Variants in SLC38A1 observed in about 807,000 individuals in gnomAD.
The protein encoded by SLC38A1 is solute carrier family 38 member 1.
SLC38A1 carries 18 observed loss-of-function variants against 60.3 expected under a neutral mutation model. That is an observed-to-expected ratio of 0.30 (90% CI 0.21 to 0.44). The LOEUF (loss-of-function observed/expected upper bound fraction) is 0.44, where lower values mean the gene tolerates loss of function less well. Among genes scored for constraint, SLC38A1 ranks in the 20% least tolerant of loss-of-function variants. SLC38A1 has a pLI of 1.00. For synonymous variants in SLC38A1, 196 were observed against 212.1 expected, an observed-to-expected ratio of 0.92 and a Z score of 0.66; for missense variants, 448 against 587.2, an observed-to-expected ratio of 0.76 and a Z score of 2.45.
chr12:46,241,695 A>T (rs977674295), intron 2 of SLC38A1, among the ~76,000 whole-genome samples: 2 of 152,152 alleles, frequency 1.3e-5, no homozygotes, highest in African/African-American at 4.8e-5. Context: ...CTTATGTTGC[A>T]AAAGCTGAAA....
chr12:46,266,638 C>T (rs1592166685), intron 1 of SLC38A1, among the ~76,000 whole-genome samples: 2 of 152,058 alleles, frequency 1.3e-5, no homozygotes, highest in South Asian at 2.1e-4. Flanking sequence ...ACTAAGAATA[C>T]CTGAAATGTA....
chr12:46,215,989 A>G (rs1300409347), intron 5 of SLC38A1, among the ~76,000 whole-genome samples: 1 of 152,174 alleles, frequency 6.6e-6, no homozygotes, highest in Non-Finnish European at 1.5e-5. Context: ...AAAATTTAAA[A>G]TCCAGGACAA....
intron 1 of SLC38A1, among the ~76,000 whole-genome samples, chr12:46,245,015 C>A (rs1941568060): frequency 6.6e-6 from 1 of 152,122 alleles, no homozygotes; most frequent in Non-Finnish European, 1.5e-5. Context: ...CCCACCATCA[C>A]CTGGAATTAT....
chr12:46,191,538 CATG>C (rs1177435365), intron 16 of SLC38A1, among the ~76,000 whole-genome samples: 1 of 152,176 alleles, frequency 6.6e-6, no homozygotes, highest in East Asian at 1.9e-4. Context: ...TGGCCATTTT[CATG>C]ATATTAATTC....
At chr12:46,198,601 T>C (rs757435664) in intron 14 of SLC38A1, 24 bp downstream of exon 14, 2 of 1,496,532 alleles carry the variant, frequency 1.3e-6, no homozygotes, top group Non-Finnish European at 1.8e-6. Context: ...GCTTTTCTCA[T>C]ATTGCACAGA....
chr12:46,207,085 A>C (rs1939940547), intron 8 of SLC38A1, 70 bp downstream of exon 8: 1 of 1,056,584 alleles, frequency 9.5e-7, no homozygotes, highest in African/African-American at 1.7e-5. Flanking sequence ...CACAAGCAAG[A>C]ATTTTGATTG....
chr12:46,226,111 G>A (rs1044363058), intron 5 of SLC38A1, among the ~76,000 whole-genome samples: 1 of 152,034 alleles, frequency 6.6e-6, no homozygotes, highest in African/African-American at 2.4e-5. Flanking sequence ...ATGACATATT[G>A]AGTTAAAAGA....
intron 16 of SLC38A1, among the ~76,000 whole-genome samples, chr12:46,195,071 T>C (rs1040173747): frequency 1.3e-5 from 2 of 152,204 alleles, no homozygotes; most frequent in Non-Finnish European, 2.9e-5. Flanking sequence ...ATCTTTGTGG[T>C]TTTATCTACC....
chr12:46,264,882 A>G (rs1251210274), intron 1 of SLC38A1, among the ~76,000 whole-genome samples: 1 of 152,218 alleles, frequency 6.6e-6, no homozygotes, highest in Non-Finnish European at 1.5e-5. Flanking sequence ...TTCTGTGCAC[A>G]TACTTCTCCT....
intron 1 of SLC38A1, among the ~76,000 whole-genome samples, chr12:46,264,197 T>A (rs574501385): frequency 1.3e-5 from 2 of 152,334 alleles, no homozygotes; most frequent in East Asian, 3.9e-4. Context: ...CAGATGACTA[T>A]CATCTTGAAT....
At chr12:46,201,793 A>ATT (rs1428264513) in intron 12 of SLC38A1, among the ~76,000 whole-genome samples, 3 of 151,456 alleles carry the variant, frequency 2.0e-5, no homozygotes, top group African/African-American at 7.3e-5. Context: ...TGCCCAAACA[A>ATT]TTAATCTGCA....
At chr12:46,226,648 G>A (rs1168421731) in intron 5 of SLC38A1, among the ~76,000 whole-genome samples, 12 of 135,350 alleles carry the variant, frequency 8.9e-5, no homozygotes, top group Admixed American at 5.7e-4. Context: ...TTTTTGAGAC[G>A]GAATCTTGCT....
chr12:46,194,079 T>A (rs1592060660), intron 16 of SLC38A1, among the ~76,000 whole-genome samples: 1 of 152,224 alleles, frequency 6.6e-6, no homozygotes, highest in South Asian at 2.1e-4. Context: ...TACTGGTTGG[T>A]CCTTTCCATG....
At chr12:46,254,060 A>G (rs1371835159) in intron 1 of SLC38A1, among the ~76,000 whole-genome samples, 2 of 152,188 alleles carry the variant, frequency 1.3e-5, no homozygotes, top group Non-Finnish European at 2.9e-5. Context: ...TGTATTCCAC[A>G]AGAGTAAAGC....
chr12:46,229,832 C>T (rs576326486), intron 3 of SLC38A1, among the ~76,000 whole-genome samples, 193 bp from the exon 4 acceptor site: 3 of 152,278 alleles, frequency 2.0e-5, no homozygotes, highest in East Asian at 1.9e-4. Flanking sequence ...TCTATATTCT[C>T]GTTTTACCAA....
chr12:46,196,041 G>T, intron 16 of SLC38A1: 2 of 1,064,832 alleles, frequency 1.9e-6, no homozygotes, highest in Non-Finnish European at 2.7e-6. Context: ...CATCGATCTT[G>T]CTGGGAGCTG....
Position 46,188,982 on chromosome 12 carries a change from G to A in SLC38A1, c.1452C>T (p.Asp484=), listed in dbSNP as rs758242758. The change falls in exon 17 of 17, where the codon GAC becomes GAT. Residue 484 remains aspartate, a synonymous_variant. Transcript: ENST00000398637. The stretch of plus-strand genomic sequence containing the variant: ...TTCTCGGCGGGTTTCAGTGGCCTTC[G>A]TCACTACTCGATGAGCAGGCCCAGT... The part of the protein sequence containing the change: ...IYDWACSSSS[D]EGH 26 of 1,612,952 alleles carry A rather than the reference G, an allele frequency of 1.6e-5. No homozygotes were observed. The highest frequency in any genetic ancestry group is 1.6e-4 in the Middle Eastern group (1 of 6,076).
chr12:46,251,427 A>T (rs1359746136), intron 1 of SLC38A1, among the ~76,000 whole-genome samples: 2 of 152,372 alleles, frequency 1.3e-5, no homozygotes, highest in Non-Finnish European at 2.9e-5. Flanking sequence ...TTCAGGACAT[A>T]GGCATGGGCA....
At position 46,196,091 on chromosome 12, in the gene SLC38A1, C is replaced by T. The variant is rs1939363523; in HGVS notation, c.1362+1629G>A. ...TCCTATTTGGCTATCTTGGAAGCAA[C>T]CTCAGGTATTTCTTTATTAGCAGTG... On this transcript the variant is annotated intron_variant, in intron 16 of 16. Transcript: ENST00000398637. The T allele has an allele frequency of 9.3e-6, 14 of 1,511,728 alleles. No individual in the cohort carries two copies. In the East Asian group the frequency reaches 3.4e-4, roughly 37 times the overall value. 93.6% of individuals were successfully genotyped at this position (1,511,728 alleles called of 1,614,324 possible). A position where few individuals can be genotyped will look rare whatever the true frequency, so the allele number is the denominator to read the frequency against.
Sources: allele counts gnomAD v4.1 joint callset (sites outside exome capture counted in the v4.1 genomes callset), GRCh38; gene constraint gnomAD v4.1.1; transcripts MANE v1.5; gene names NCBI Gene and HGNC (gene_info 2026-07-23, HGNC 2026-07-21).